CHM: variants seen among roughly 807,000 people sequenced by gnomAD.
The protein encoded by CHM is CHM Rab escort protein.
Under a neutral mutation model 49.0 loss-of-function variants are expected in CHM, and 10 were observed. The observed-to-expected ratio is 0.20, with a 90% CI of 0.13 to 0.35. CHM has a LOEUF of 0.35. Ranked by LOEUF, CHM falls within the 10% of genes least tolerant of loss-of-function variation. CHM has a pLI of 1.00. For missense variants in CHM, 455 were observed against 478.4 expected, an observed-to-expected ratio of 0.95 and a Z score of 0.46; for synonymous variants, 184 against 167.5, an observed-to-expected ratio of 1.10 and a Z score of -0.76.
chrX:86,036,740 G>A (rs370286113), intron 1 of CHM, among the ~76,000 whole-genome samples: 34 of 111,339 alleles, frequency 3.1e-4, no homozygotes, highest in South Asian at 1.9e-3. Flanking sequence ...CAATATATAG[G>A]GTCAAATAAA....
chrX:85,999,512 A>G (rs1345523854), intron 2 of CHM, among the ~76,000 whole-genome samples: 1 of 112,024 alleles, frequency 8.9e-6, no homozygotes, highest in Non-Finnish European at 1.9e-5. Context: ...ATCAGAAAAA[A>G]GGATCAGTTG....
intron 12 of CHM, among the ~76,000 whole-genome samples, chrX:85,891,267 T>C (rs770395011): frequency 1.8e-5 from 2 of 112,163 alleles, no homozygotes; most frequent in Non-Finnish European, 3.8e-5. Flanking sequence ...TTGCAGAAAT[T>C]TGCATAAGTA....
chrX:85,917,448 A>G (rs1927523243), intron 8 of CHM, among the ~76,000 whole-genome samples: 2 of 111,671 alleles, frequency 1.8e-5, no homozygotes, highest in African/African-American at 3.3e-5. Flanking sequence ...ACTTAAAATC[A>G]AAGTTTTTTA....
intron 14 of CHM, among the ~76,000 whole-genome samples, chrX:85,867,751 T>A (rs1451230791): frequency 1.8e-5 from 2 of 111,836 alleles, no homozygotes; most frequent in African/African-American, 6.5e-5. Flanking sequence ...TAAGCCGACA[T>A]ATATGGTAGC....
At chrX:85,915,606 A>T (rs1334121211) in intron 8 of CHM, among the ~76,000 whole-genome samples, 1 of 112,344 alleles carries the variant, frequency 8.9e-6, no homozygotes, top group African/African-American at 3.2e-5. Context: ...AAAGTCTCAG[A>T]ATACAAAATC....
At chrX:85,870,160 C>A (rs1174579948) in intron 14 of CHM, among the ~76,000 whole-genome samples, 1 of 111,481 alleles carries the variant, frequency 9.0e-6, no homozygotes, top group Non-Finnish European at 1.9e-5. Flanking sequence ...GCTTCCTTAT[C>A]TATAAATGGG....
At chrX:85,978,963 T>A in intron 3 of CHM, 72 bp from the exon 4 acceptor site, 4 of 1,057,576 alleles carry the variant, frequency 3.8e-6, no homozygotes, top group Non-Finnish European at 5.2e-6. Context: ...TGAGAAAATT[T>A]ACCTCTTGTC....
chrX:85,892,149 TAGAC>T (rs1925507673), intron 12 of CHM, among the ~76,000 whole-genome samples: 1 of 111,853 alleles, frequency 8.9e-6, no homozygotes, highest in Admixed American at 9.5e-5. Flanking sequence ...TACAGGCTCA[TAGAC>T]AGATGGGACT....
intron 8 of CHM, among the ~76,000 whole-genome samples, chrX:85,954,637 T>C (rs891573087): frequency 2.8e-4 from 31 of 111,390 alleles, no homozygotes; most frequent in African/African-American, 9.8e-4. Context: ...CTCACGCCTG[T>C]AATACCAGCA....
At chrX:86,025,991 G>T (rs888987085) in intron 2 of CHM, among the ~76,000 whole-genome samples, 1 of 107,307 alleles carries the variant, frequency 9.3e-6, no homozygotes, top group Non-Finnish European at 1.9e-5. Flanking sequence ...GAAATGAGAA[G>T]CAAGAATTTT....
chrX:85,955,971 A>G (rs917869083), intron 8 of CHM, among the ~76,000 whole-genome samples, 182 bp downstream of exon 8: 3 of 112,456 alleles, frequency 2.7e-5, no homozygotes, highest in Non-Finnish European at 5.6e-5. Context: ...AAAAGAGGCC[A>G]CACTGAATAT....
chrX:85,897,306 CGTGTGTGT>C (rs533191230), intron 11 of CHM, among the ~76,000 whole-genome samples: 43 of 76,507 alleles, frequency 5.6e-4, no homozygotes, highest in African/African-American at 1.4e-3. Flanking sequence ...CTTGTGTGTG[CGTGTGTGT>C]GTGTGTGTGT....
intron 13 of CHM, among the ~76,000 whole-genome samples, chrX:85,877,453 T>C (rs1924487042): frequency 9.0e-6 from 1 of 111,114 alleles, no homozygotes; most frequent in Admixed American, 9.6e-5. Flanking sequence ...GGATGGGTAA[T>C]GGAGAAGGAA....
At chrX:85,914,612 G>A (rs1569411693) in intron 8 of CHM, among the ~76,000 whole-genome samples, 1 of 110,313 alleles carries the variant, frequency 9.1e-6, no homozygotes, top group East Asian at 2.9e-4. Flanking sequence ...CCACATCAGC[G>A]CCCATGCACA....
intron 12 of CHM, among the ~76,000 whole-genome samples, chrX:85,892,852 G>GA (rs1210114064): frequency 4.5e-5 from 5 of 111,287 alleles, no homozygotes; most frequent in Admixed American, 2.9e-4. Context: ...AACCATATTA[G>GA]TTTTTTTGCT....
chrX:85,992,858 C>G (rs1287260204), intron 2 of CHM, among the ~76,000 whole-genome samples: 1 of 112,175 alleles, frequency 8.9e-6, no homozygotes, highest in Non-Finnish European at 1.9e-5. Context: ...AAAGAAATAC[C>G]AGATCGTGTT....
intron 8 of CHM, among the ~76,000 whole-genome samples, chrX:85,914,045 T>C (rs921976198): frequency 9.0e-6 from 1 of 111,142 alleles, no homozygotes; most frequent in Non-Finnish European, 1.9e-5. Flanking sequence ...GTGAGTGAAA[T>C]AGGCATAGAA....
At chrX:85,957,339 A>T (rs1369218566) in intron 7 of CHM, among the ~76,000 whole-genome samples, 1 of 111,742 alleles carries the variant, frequency 8.9e-6, no homozygotes, top group Non-Finnish European at 1.9e-5. Context: ...CAAAGCCAAG[A>T]ATAGAAACCA....
chrX:85,901,879 T>C (rs1023879300), intron 9 of CHM, among the ~76,000 whole-genome samples: 1 of 111,807 alleles, frequency 8.9e-6, no homozygotes, highest in Non-Finnish European at 1.9e-5. Flanking sequence ...ATGAATCATA[T>C]AGAACCCTCC....
Sources: allele counts gnomAD v4.1 joint callset (sites outside exome capture counted in the v4.1 genomes callset), GRCh38; gene constraint gnomAD v4.1.1; transcripts MANE v1.5; gene names NCBI Gene and HGNC (gene_info 2026-07-23, HGNC 2026-07-21).